The following CEP104 variants were observed in gnomAD, a reference collection of about 807,000 sequenced individuals.
CEP104 encodes centrosomal protein of 104 kDa.
A neutral mutation model predicts 113.3 loss-of-function variants in CEP104; 84 were observed. The observed-to-expected ratio is 0.74, with a 90% CI of 0.62 to 0.89. The LOEUF (loss-of-function observed/expected upper bound fraction) is 0.89, where lower values mean the gene tolerates loss of function less well. CEP104 is among the 40% of genes least tolerant of loss of function. The pLI, the probability that CEP104 is intolerant of heterozygous loss-of-function variation, is 0.00. For missense variants in CEP104, 1,053 were observed against 1,156.6 expected, an observed-to-expected ratio of 0.91 and a Z score of 1.30; for synonymous variants, 378 against 421.7, an observed-to-expected ratio of 0.90 and a Z score of 1.27.
chr1:3,818,938 G>C (rs1331722246), intron 20 of CEP104, among the ~76,000 whole-genome samples: 4 of 152,108 alleles, frequency 2.6e-5, no homozygotes, highest in Admixed American at 6.5e-5. Flanking sequence ...TATTCTGAAG[G>C]CTATTCTCTT....
intron 16 of CEP104, 60 bp from the exon 17 acceptor site, chr1:3,826,496 A>C: frequency 6.7e-7 from 1 of 1,498,760 alleles, no homozygotes; most frequent in South Asian, 1.2e-5. Flanking sequence ...AAATTTTAGT[A>C]AGCAGTTTGA....
At chr1:3,854,562 T>C (rs1644675497) in intron 1 of CEP104, among the ~76,000 whole-genome samples, 1 of 149,742 alleles carries the variant, frequency 6.7e-6, no homozygotes, top group African/African-American at 2.5e-5. Flanking sequence ...TCTGTCTCCC[T>C]GGTTCATGTG....
chr1:3,832,001 C>T (rs1441046432), intron 12 of CEP104, among the ~76,000 whole-genome samples: 2 of 152,180 alleles, frequency 1.3e-5, no homozygotes, highest in Admixed American at 6.5e-5. Flanking sequence ...GTGTGTATTT[C>T]GTCCACTAAC....
At chr1:3,826,122 G>A (rs942317183) in intron 17 of CEP104, among the ~76,000 whole-genome samples, 4 of 152,116 alleles carry the variant, frequency 2.6e-5, no homozygotes, top group East Asian at 1.9e-4. Context: ...TGAAATCAAC[G>A]GGCGAACGAT....
intron 20 of CEP104, among the ~76,000 whole-genome samples, chr1:3,818,889 G>C (rs1171547390): frequency 6.6e-6 from 1 of 152,126 alleles, no homozygotes; most frequent in African/African-American, 2.4e-5. Flanking sequence ...CTTCCATCAA[G>C]GCTTAAGCTT....
At chr1:3,841,263 G>C (rs549794211) in intron 6 of CEP104, among the ~76,000 whole-genome samples, 1 of 152,124 alleles carries the variant, frequency 6.6e-6, no homozygotes, top group Non-Finnish European at 1.5e-5. Flanking sequence ...CATAGGAATA[G>C]GCCCCCTTTA....
chr1:3,837,580 T>G, intron 8 of CEP104, 61 bp from the exon 9 acceptor site: 1 of 1,371,806 alleles, frequency 7.3e-7, no homozygotes, highest in Non-Finnish European at 1.0e-6. Flanking sequence ...TATATCTATC[T>G]CATTCCTTCA....
rs1245639150 is a variant in CEP104 at position 3,856,956 on chromosome 1, C to G, written c.-82G>C. On this transcript the variant is annotated 5_prime_UTR_variant, in exon 1 of 22. Transcript: ENST00000378230. ...GGTGGAGAGGGCGGCTGGGTCGGAG[C>G]GGTGCCGCGGCCCGGGGAGGCGGCC... 6.6e-6 allele frequency: 1 copy of G among 151,940 alleles called. No homozygotes were observed. The highest frequency in any genetic ancestry group is 1.5e-5 in the Non-Finnish European group (1 of 67,978). 9.4% of individuals were successfully genotyped at this position (151,940 alleles called of 1,614,324 possible). A position where few individuals can be genotyped will look rare whatever the true frequency, so the allele number is the denominator to read the frequency against.
rs751259031 is a variant in CEP104, at chr1:3,852,400, T to TG, written c.7dup (p.His3ProfsTer36). 1.2e-6 allele frequency: 2 copies of TG among 1,613,804 alleles called. No individual in the cohort carries two copies. The highest frequency in any genetic ancestry group is 1.7e-6 in the Non-Finnish European group (2 of 1,179,882). ...GCTGACGACTACAAATCCAATCTTG[T>TG]GGGGCATTCTGCACGTTTGGGCTGT... On this transcript the variant is annotated frameshift_variant, in exon 2 of 22. Coordinates refer to ENST00000378230, the MANE Select transcript of CEP104 (RefSeq NM_014704.4). LOFTEE classifies it high-confidence loss of function.
In CEP104 at chr1:3,815,145, A is replaced by C; in HGVS notation, c.*257T>G. On this transcript the variant is annotated 3_prime_UTR_variant, in exon 22 of 22. Coordinates refer to ENST00000378230, the MANE Select transcript of CEP104 (RefSeq NM_014704.4). ...GACGCTTCCTTCTCTGATTCTAAGG[A>C]AGGCCTGAGACAGCCCTGAAGGCTT... The C allele has an allele frequency of 4.3e-6, 2 of 465,790 alleles. No homozygotes were observed. The highest frequency in any genetic ancestry group is 3.8e-6 in the Non-Finnish European group (1 of 260,456). 28.9% of individuals were successfully genotyped at this position (465,790 alleles called of 1,614,324 possible).
intron 6 of CEP104, among the ~76,000 whole-genome samples, chr1:3,840,741 T>C (rs1013111516): frequency 6.6e-6 from 1 of 152,130 alleles, no homozygotes; most frequent in Non-Finnish European, 1.5e-5. Flanking sequence ...AGTTTCACCA[T>C]GTTAGCCAGG....
intron 10 of CEP104, among the ~76,000 whole-genome samples, chr1:3,835,343 A>G (rs1479274674): frequency 6.6e-6 from 1 of 152,226 alleles, no homozygotes; most frequent in East Asian, 1.9e-4. Flanking sequence ...TCCAAGAGAA[A>G]TATTTTAAAG....
In CEP104 at chr1:3,848,734, C is replaced by A. The variant is rs780789181; in HGVS notation, c.161G>T (p.Cys54Phe). The A allele has an allele frequency of 6.2e-7, 1 of 1,612,718 alleles. No homozygotes were observed. The highest frequency in any genetic ancestry group is 8.5e-7 in the Non-Finnish European group (1 of 1,179,658). Residue 54 changes from cysteine (C) to phenylalanine (F), a missense_variant, in exon 3 of 22, where the codon TGT (cysteine) becomes TTT (phenylalanine). Coordinates refer to ENST00000378230, the MANE Select transcript of CEP104 (RefSeq NM_014704.4). ...AAGTAACTGCAGTTTCCTTATTCGA[C>A]ATCTCTCCACCATTTGAAGGACAAT... is the stretch of plus-strand genomic sequence containing the variant. Reference protein sequence around the residue: ...QEIVLQMVERCRIRKLQLLAH... With the variant: ...QEIVLQMVERFRIRKLQLLAH...
chr1:3,839,629 T>G lies in CEP104; in HGVS notation c.714A>C (p.Gln238His). The change falls in exon 7 of 22, where the codon CAA becomes CAC. Residue 238 changes from glutamine (Q) to histidine (H), a missense_variant. By Grantham distance (24) the Gln-to-His change is conservative. Coordinates refer to ENST00000378230, the MANE Select transcript of CEP104 (RefSeq NM_014704.4). ...ERYDYAKKLK[Q>H]AIADLQKVGE... ...ATACCTTTTGCAAATCAGCAATGGC[T>G]TGTTTTAGTTTCTTGGCATAATCAT... The G allele has an allele frequency of 6.2e-7, 1 of 1,612,496 alleles. No individual in the cohort carries two copies. The highest frequency in any genetic ancestry group is 1.1e-5 in the South Asian group (1 of 90,520).
intron 12 of CEP104, among the ~76,000 whole-genome samples, chr1:3,833,338 C>T (rs955798725): frequency 3.3e-5 from 5 of 152,174 alleles, no homozygotes; most frequent in South Asian, 2.1e-4. Flanking sequence ...TAAAACTTAA[C>T]GTAATTCATA....
intron 12 of CEP104, among the ~76,000 whole-genome samples, 179 bp from the exon 13 acceptor site, chr1:3,831,401 A>C (rs145401793): frequency 6.6e-6 from 1 of 152,376 alleles, no homozygotes; most frequent in African/African-American, 2.4e-5. Context: ...AAAGCGTAAC[A>C]ACCATTAGAA....
At chr1:3,836,745 T>C (rs767166192) in intron 9 of CEP104, 53 bp from the exon 10 acceptor site, 423 of 1,534,724 alleles carry the variant, frequency 2.8e-4, no homozygotes, top group Non-Finnish European at 3.7e-4. Context: ...TAGGTCACAT[T>C]CTCCAGTGCA....
At chr1:3,837,842 G>A (rs533354399) in intron 8 of CEP104, among the ~76,000 whole-genome samples, 61 of 152,348 alleles carry the variant, frequency 4.0e-4, no homozygotes, top group Middle Eastern at 3.4e-3. Flanking sequence ...GCAGGAGCAC[G>A]GTGGTGTGGA....
chr1:3,834,924 C>A lies in CEP104; in HGVS notation c.1485+1G>T. 1 of 1,579,872 alleles carries A rather than the reference C, an allele frequency of 6.3e-7. No individual in the cohort carries two copies. The highest frequency in any genetic ancestry group is 1.2e-5 in the South Asian group (1 of 86,520). The stretch of plus-strand genomic sequence containing the variant: ...AGCCAGCGCCAGCTGAGGGCACTCA[C>A]GGAGGTCACAATGTCCTTTATGGCT... On this transcript the variant is annotated splice_donor_variant, in intron 11 of 21. Transcript: ENST00000378230. LOFTEE classifies it high-confidence loss of function.
Sources: allele counts gnomAD v4.1 joint callset (sites outside exome capture counted in the v4.1 genomes callset), GRCh38; gene constraint gnomAD v4.1.1; transcripts MANE v1.5; gene names NCBI Gene and HGNC (gene_info 2026-07-23, HGNC 2026-07-21).